Variants in DLC1 observed in about 807,000 individuals in gnomAD.
DLC1 encodes rho GTPase-activating protein 7.
A neutral mutation model predicts 140.3 loss-of-function variants in DLC1; 54 were observed. The ratio of observed to expected loss-of-function variants is 0.38; its 90% CI spans 0.31 to 0.48. DLC1 has a LOEUF of 0.48. DLC1 is among the 20% of genes least tolerant of loss of function. DLC1 has a pLI of 0.96. For missense variants in DLC1, 2,536 were observed against 1,907.0 expected, an observed-to-expected ratio of 1.33 and a Z score of -6.14; for synonymous variants, 986 against 728.1, an observed-to-expected ratio of 1.35 and a Z score of -5.70.
chr8:13,404,844 A>AT (rs1276710914), intron 2 of DLC1, among the ~76,000 whole-genome samples: 4 of 151,990 alleles, frequency 2.6e-5, no homozygotes, highest in Non-Finnish European at 4.4e-5. Flanking sequence ...CTAAAAATAT[A>AT]TTTTTTTAAA....
chr8:13,316,516 A>G (rs1414825434), intron 4 of DLC1, among the ~76,000 whole-genome samples: 1 of 152,158 alleles, frequency 6.6e-6, no homozygotes, highest in Non-Finnish European at 1.5e-5. Context: ...AACGCTTTAT[A>G]TGGATTCCAT....
intron 1 of DLC1, among the ~76,000 whole-genome samples, chr8:13,547,169 G>A (rs1803680360): frequency 6.6e-6 from 1 of 151,942 alleles, no homozygotes; most frequent in African/African-American, 2.4e-5. Context: ...AATTTATTGG[G>A]AAACAATAGT....
At chr8:13,575,772 G>C (rs921965688) in intron 1 of DLC1, among the ~76,000 whole-genome samples, 2 of 152,194 alleles carry the variant, frequency 1.3e-5, no homozygotes, top group Non-Finnish European at 2.9e-5. Context: ...TTGTTTGAGA[G>C]CCCAGCATTG....
At chr8:13,209,335 T>G (rs890309362) in intron 5 of DLC1, among the ~76,000 whole-genome samples, 2 of 152,170 alleles carry the variant, frequency 1.3e-5, no homozygotes, top group African/African-American at 4.8e-5. Context: ...TTTCACTATA[T>G]AAACATAATT....
At chr8:13,451,104 T>C (rs917036601) in intron 2 of DLC1, among the ~76,000 whole-genome samples, 2 of 148,004 alleles carry the variant, frequency 1.4e-5, no homozygotes. Context: ...GGTCAAATTT[T>C]CTTAAGATAA....
At chr8:13,108,786 CAG>C (rs1302937560) in intron 7 of DLC1, among the ~76,000 whole-genome samples, 1 of 152,158 alleles carries the variant, frequency 6.6e-6, no homozygotes, top group Admixed American at 6.5e-5. Flanking sequence ...GGATTGAAAA[CAG>C]ATTAATTCTG....
chr8:13,165,025 G>T (rs956196081), intron 5 of DLC1, among the ~76,000 whole-genome samples: 4 of 152,168 alleles, frequency 2.6e-5, no homozygotes, highest in African/African-American at 9.7e-5. Flanking sequence ...GTTGCAGAAT[G>T]GATATGGATG....
intron 12 of DLC1, among the ~76,000 whole-genome samples, chr8:13,093,339 T>C (rs1818242922): frequency 6.6e-6 from 1 of 152,034 alleles, no homozygotes; most frequent in Non-Finnish European, 1.5e-5. Context: ...CTTCTTGAAG[T>C]GGGAAAAGCT....
intron 2 of DLC1, among the ~76,000 whole-genome samples, chr8:13,445,706 C>A (rs1035948240): frequency 6.6e-6 from 1 of 152,118 alleles, no homozygotes; most frequent in Non-Finnish European, 1.5e-5. Flanking sequence ...TATCATCCTA[C>A]CCTGAAGTAC....
At position 13,273,686 on chromosome 8, in the gene DLC1, C is replaced by CTGTGTGTGTGTG. The variant is rs59265902; in HGVS notation, c.1348+31571_1348+31582dup. Among the ~76,000 whole-genome samples, 75 of 62,546 alleles carry CTGTGTGTGTGTG rather than the reference C, an allele frequency of 1.2e-3. 1 individual carries two copies. Among genetic ancestry groups the CTGTGTGTGTGTG allele is most frequent in the African/African-American group, 2.8e-3 (44 of 15,464 alleles). 41.0% of individuals were successfully genotyped at this position (62,546 alleles called of 152,430 possible). On this transcript the variant is annotated intron_variant, in intron 5 of 17. Coordinates refer to ENST00000276297, the MANE Select transcript of DLC1 (RefSeq NM_182643.3). ...ATCATTTGGGATAGCAGAACTGTGC[C>CTGTGTGTGTGTG]TGTGTGTGTGTGTGTGTGTGTGTGT...
chr8:13,399,231 C>G (rs1054203179), intron 3 of DLC1, among the ~76,000 whole-genome samples: 2 of 152,168 alleles, frequency 1.3e-5, no homozygotes, highest in African/African-American at 2.4e-5. Flanking sequence ...CTCTGACTGT[C>G]TGACAACCAG....
At chr8:13,333,749 T>C (rs1332093191) in intron 4 of DLC1, among the ~76,000 whole-genome samples, 1 of 152,236 alleles carries the variant, frequency 6.6e-6, no homozygotes, top group African/African-American at 2.4e-5. Flanking sequence ...TGGTTTCAAA[T>C]GACACATTCT....
chr8:13,374,140 T>G (rs1224814628), intron 4 of DLC1, among the ~76,000 whole-genome samples: 1 of 152,156 alleles, frequency 6.6e-6, no homozygotes, highest in Non-Finnish European at 1.5e-5. Flanking sequence ...AATTTTTGAT[T>G]AAACTGAGCC....
chr8:13,383,914 T>C lies in DLC1; in HGVS notation c.1314+9639A>G, dbSNP rs148048618. 5.3e-3 allele frequency among the ~76,000 whole-genome samples: 813 copies of C among 152,292 alleles called. 17 individuals are homozygous for C. Among genetic ancestry groups the C allele is most frequent in the Non-Finnish European group, 3.4e-3 (228 of 68,032 alleles). Reference sequence around the variant, plus strand: ...TGACTGCAGCCTCACGAAAGACCCATACAACTAAGTTGCTCTAAATTTCTG... The same window carrying C: ...TGACTGCAGCCTCACGAAAGACCCACACAACTAAGTTGCTCTAAATTTCTG... On this transcript the variant is annotated intron_variant, in intron 4 of 17. Transcript: ENST00000276297.
chr8:13,513,482 A>G (rs1802467086), intron 1 of DLC1, among the ~76,000 whole-genome samples: 1 of 152,064 alleles, frequency 6.6e-6, no homozygotes, highest in Non-Finnish European at 1.5e-5. Context: ...TATAATGAAA[A>G]CAGTTACTTC....
At chr8:13,320,571 C>T (rs563718230) in intron 4 of DLC1, among the ~76,000 whole-genome samples, 5 of 152,246 alleles carry the variant, frequency 3.3e-5, no homozygotes, top group Non-Finnish European at 5.9e-5. Context: ...CTCCAAATCT[C>T]ATGTGGAAAT....
At chr8:13,305,171 G>C (rs1295414301) in intron 5 of DLC1, 98 bp downstream of exon 5, 2 of 1,511,250 alleles carry the variant, frequency 1.3e-6, no homozygotes, top group African/African-American at 2.8e-5. Context: ...ATATTCATGA[G>C]ATGTATACAT....
chr8:13,425,119 C>T (rs1481114492), intron 2 of DLC1, among the ~76,000 whole-genome samples: 1 of 147,912 alleles, frequency 6.8e-6, no homozygotes, highest in Admixed American at 6.7e-5. Context: ...ACACAATGTG[C>T]AGTAAAAAAA....
intron 1 of DLC1, among the ~76,000 whole-genome samples, chr8:13,597,386 T>C (rs979726358): frequency 6.6e-6 from 1 of 152,080 alleles, no homozygotes; most frequent in Non-Finnish European, 1.5e-5. Context: ...CTAATCTTTG[T>C]TCAGACTGCT....
Sources: gnomAD v4.1 joint callset for allele counts (sites outside exome capture counted in the v4.1 genomes callset) on GRCh38, gnomAD v4.1.1 for gene constraint, MANE v1.5 for transcripts, NCBI Gene and HGNC (gene_info 2026-07-23, HGNC 2026-07-21) for gene names.